SLC16A1: variants seen among roughly 807,000 people sequenced by gnomAD.
SLC16A1 encodes the protein solute carrier family 16 member 1, also known as monocarboxylate transporter 1.
In SLC16A1, 11 loss-of-function variants were observed where a neutral mutation model predicts 32.2. The observed-to-expected ratio is 0.34, with a 90% CI of 0.21 to 0.56. SLC16A1 has a LOEUF of 0.56. Ranked by LOEUF, SLC16A1 falls within the 20% of genes least tolerant of loss-of-function variation. The pLI, the probability that SLC16A1 is intolerant of heterozygous loss-of-function variation, is 0.87. For missense variants in SLC16A1, 435 were observed against 615.0 expected (o/e 0.71, Z 3.10); for synonymous variants, 231 against 226.8 (o/e 1.02, Z -0.17).
intron 1 of SLC16A1, among the ~76,000 whole-genome samples, chr1:112,948,506 T>C (rs1231960311): frequency 1.3e-5 from 2 of 152,178 alleles, no homozygotes; most frequent in East Asian, 1.9e-4. Flanking sequence ...GCCTAAAATA[T>C]ACAATTTTTT....
chr1:112,932,532 G>C (rs1460269088), intron 1 of SLC16A1, among the ~76,000 whole-genome samples: 2 of 152,172 alleles, frequency 1.3e-5, no homozygotes, highest in South Asian at 2.1e-4. Context: ...GCCAGGTGCG[G>C]TGGCTCACAC....
chr1:112,924,316 C>G (rs1189658157), intron 2 of SLC16A1: 4 of 1,376,932 alleles, frequency 2.9e-6, no homozygotes, highest in Non-Finnish European at 4.1e-6. Flanking sequence ...CAATTGGTTG[C>G]TCACGAATGT....
intron 1 of SLC16A1, among the ~76,000 whole-genome samples, chr1:112,941,607 C>T (rs2101645566): frequency 6.6e-6 from 1 of 152,154 alleles, no homozygotes; most frequent in Middle Eastern, 3.4e-3. Context: ...GTCCTAAATA[C>T]CATACGTATT....
intron 2 of SLC16A1, chr1:112,923,658 T>G (rs955250365): frequency 8.4e-5 from 125 of 1,489,822 alleles, no homozygotes; most frequent in Non-Finnish European, 1.1e-4. Context: ...GTGGCTGCAG[T>G]GTCCCCGAGT....
At chr1:112,947,796 A>G (rs1302907368) in intron 1 of SLC16A1, among the ~76,000 whole-genome samples, 2 of 152,160 alleles carry the variant, frequency 1.3e-5, no homozygotes, top group Non-Finnish European at 1.5e-5. Flanking sequence ...TCCAATAAAG[A>G]TCTAAGTTGT....
rs1648379374 is a variant in SLC16A1 at position 112,913,081 on chromosome 1, C to T, written c.*810G>A. The T allele has an allele frequency of 1.3e-5, 2 of 152,118 alleles. No homozygotes were observed. Among genetic ancestry groups the T allele is most frequent in the Admixed American group, 1.3e-4 (2 of 15,262 alleles). The allele number at this position is 152,118 out of a possible 1,614,324, so 9.4% of individuals were successfully genotyped here. A position where few individuals can be genotyped will look rare whatever the true frequency, so the allele number is the denominator to read the frequency against. On this transcript the variant is annotated 3_prime_UTR_variant, in exon 5 of 5. Transcript: ENST00000369626. ...TCTGTAGATTTTAATACTAACTTTT[C>T]CAGTAAGAAAAATAATACCAGGTGA...
At chr1:112,923,462 G>C in intron 2 of SLC16A1, 1 of 740,844 alleles carries the variant, frequency 1.3e-6, no homozygotes, top group Non-Finnish European at 2.5e-6. Context: ...CATGGAGATG[G>C]GGCGCCGTAG....
rs570476633 is a variant in SLC16A1 at position 112,917,688 on chromosome 1, G to C, written c.718C>G (p.Gln240Glu). The C allele has an allele frequency of 3.7e-5, 60 of 1,614,228 alleles. 1 individual carries two copies. The South Asian group carries it at 6.3e-4, about 17-fold the overall frequency. Residue 240 changes from glutamine (Q) to glutamate (E), a missense_variant, in exon 4 of 5, where the codon CAA becomes GAA. Transcript: ENST00000369626. This position sits in a 1 kb window ranked among gnomAD's most constrained non-coding sequence, Gnocchi z 4.1. The stretch of plus-strand genomic sequence containing the variant: ...GTTTGGAAGACTGATCGTTTCTCTT[G>C]TTTAGGGTGTCTTCCAATAAGATCT... ...NTDLIGRHPK[Q>E]EKRSVFQTIN...
At chr1:112,923,480 C>T (rs541229301) in intron 2 of SLC16A1, 7 of 818,566 alleles carry the variant, frequency 8.6e-6, no homozygotes, top group South Asian at 4.1e-5. Flanking sequence ...TAGTCACCCG[C>T]GCCTTCCTGG....
chr1:112,951,719 A>C (rs1227693281), intron 1 of SLC16A1, among the ~76,000 whole-genome samples: 1 of 152,222 alleles, frequency 6.6e-6, no homozygotes, highest in Non-Finnish European at 1.5e-5. Context: ...TGTTAACATC[A>C]AGTGCTAAAA....
At chr1:112,944,849 C>T (rs1319631380) in intron 1 of SLC16A1, among the ~76,000 whole-genome samples, 1 of 152,116 alleles carries the variant, frequency 6.6e-6, no homozygotes, top group Non-Finnish European at 1.5e-5. Context: ...GGCGCCACCA[C>T]ATCTGGCTAC....
intron 1 of SLC16A1, among the ~76,000 whole-genome samples, chr1:112,944,302 A>C (rs1317827311): frequency 6.6e-6 from 1 of 152,182 alleles, no homozygotes; most frequent in Non-Finnish European, 1.5e-5. Context: ...AATACAAAAA[A>C]TTAGACAGCA....
intron 1 of SLC16A1, among the ~76,000 whole-genome samples, chr1:112,949,328 C>T (rs1261539774): frequency 1.3e-5 from 2 of 152,206 alleles, no homozygotes; most frequent in East Asian, 1.9e-4. Context: ...GGATTACAGG[C>T]GTGAGCCACT....
rs200783174 is a variant in SLC16A1, at chr1:112,917,351, G to A, written c.1055C>T (p.Thr352Ile). Reference sequence around the variant, plus strand: ...CGCATAGACACAGAATCCAACATAGGTAGTGGATAAAGGTGCTAGCATATG... The same window carrying A: ...CGCATAGACACAGAATCCAACATAGATAGTGGATAAAGGTGCTAGCATATG... ...VCHMLAPLSTTYVGFCVYAGF... is the reference protein window; with the variant it reads ...VCHMLAPLSTIYVGFCVYAGF... Residue 352 changes from threonine (T) to isoleucine (I), a missense_variant, in exon 4 of 5, where the codon ACC (threonine) becomes ATC (isoleucine). Coordinates refer to ENST00000369626, the MANE Select transcript of SLC16A1 (RefSeq NM_003051.4). This position sits in a 1 kb window ranked among gnomAD's most constrained non-coding sequence, Gnocchi z 4.1. 63 of 1,614,070 alleles carry A rather than the reference G, an allele frequency of 3.9e-5. 1 individual carries two copies. The highest frequency in any genetic ancestry group is 1.3e-4 in the Admixed American group (8 of 60,012).
At chr1:112,938,578 A>G (rs1490883712) in intron 1 of SLC16A1, among the ~76,000 whole-genome samples, 1 of 152,246 alleles carries the variant, frequency 6.6e-6, no homozygotes, top group African/African-American at 2.4e-5. Context: ...CTTAAAAAAT[A>G]TAAACCTGTC....
At chr1:112,950,090 C>T (rs1219313573) in intron 1 of SLC16A1, among the ~76,000 whole-genome samples, 1 of 152,100 alleles carries the variant, frequency 6.6e-6, no homozygotes, top group African/African-American at 2.4e-5. Context: ...TGGTTTGTTG[C>T]CTACACTCAT....
intron 1 of SLC16A1, among the ~76,000 whole-genome samples, chr1:112,950,730 C>A (rs943843271): frequency 6.6e-6 from 1 of 152,198 alleles, no homozygotes; most frequent in African/African-American, 2.4e-5. Flanking sequence ...GGTGAGGTAG[C>A]TCACACCTGT....
At chr1:112,916,289 T>TA (rs1648502251) in intron 4 of SLC16A1, among the ~76,000 whole-genome samples, 2 of 150,834 alleles carry the variant, frequency 1.3e-5, no homozygotes, top group Admixed American at 1.3e-4. Flanking sequence ...CACCTGAGGT[T>TA]AGGAGTTCAA....
In SLC16A1 at chr1:112,922,011, C is replaced by T. The variant is rs756546835; in HGVS notation, c.340G>A (p.Val114Ile). ...SFCNTVQQLY[V>I]CIGVIGGLGL... ...TCACCTCCAATGACTCCAATACAGACGTATAGTTGCTGTACGGTGTTACAG... is the reference window on the plus strand; with the variant it reads ...TCACCTCCAATGACTCCAATACAGATGTATAGTTGCTGTACGGTGTTACAG... Residue 114 changes from valine to isoleucine, a missense_variant, in exon 3 of 5, where the codon GTC becomes ATC. Physicochemically the swap from Val to Ile is conservative, Grantham distance 29. This residue lies in a region of SLC16A1 where 324 missense variants were observed against 500.3 expected (regional missense o/e 0.65). Transcript: ENST00000369626. The T allele has an allele frequency of 5.0e-6, 8 of 1,614,054 alleles. No individual in the cohort carries two copies. Among genetic ancestry groups the T allele is most frequent in the African/African-American group, 1.3e-5 (1 of 74,928 alleles).
Sources: allele counts gnomAD v4.1 joint callset (sites outside exome capture counted in the v4.1 genomes callset), GRCh38; gene constraint gnomAD v4.1.1; regional missense constraint gnomAD v4.1.1; non-coding constraint Gnocchi (gnomAD v3.1); transcripts MANE v1.5; gene names NCBI Gene and HGNC (gene_info 2026-07-23, HGNC 2026-07-21).